Variants in DNMT3A observed in about 807,000 individuals in gnomAD.
DNMT3A encodes the protein DNA methyltransferase 3 alpha.
Under a neutral mutation model 117.6 loss-of-function variants are expected in DNMT3A, and 267 were observed. The ratio of observed to expected loss-of-function variants is 2.27; its 90% CI spans 2.05 to 2.51. The LOEUF is 2.51. DNMT3A is among the 30% of genes most tolerant of loss of function. DNMT3A has a pLI of 0.00. For synonymous variants in DNMT3A, 432 were observed against 474.8 expected (o/e 0.91, Z 1.17); for missense variants, 1,029 against 1,260.2 (o/e 0.82, Z 2.78).
intron 2 of DNMT3A, among the ~76,000 whole-genome samples, chr2:25,313,682 G>A (rs2149428580): frequency 6.6e-6 from 1 of 152,314 alleles, no homozygotes; most frequent in South Asian, 2.1e-4. Context: ...GAATGCCATG[G>A]TGGTTAAAAG....
At chr2:25,238,483 C>A (rs971088151) in intron 20 of DNMT3A, among the ~76,000 whole-genome samples, 8 of 152,160 alleles carry the variant, frequency 5.3e-5, no homozygotes, top group Admixed American at 1.3e-4. Flanking sequence ...AGGGACTGAG[C>A]GGCTCTCAGC....
intron 16 of DNMT3A, 105 bp downstream of exon 16, chr2:25,243,793 A>G: frequency 1.7e-6 from 2 of 1,204,654 alleles, no homozygotes; most frequent in African/African-American, 1.5e-5. Flanking sequence ...ATATTTTAAC[A>G]GCTGTGAAGC....
chr2:25,266,876 T>G (rs1361158456), intron 6 of DNMT3A, among the ~76,000 whole-genome samples: 1 of 152,214 alleles, frequency 6.6e-6, no homozygotes, highest in Non-Finnish European at 1.5e-5. Flanking sequence ...TGTCATAAAA[T>G]GTAAAATGCA....
At position 25,337,032 on chromosome 2, in the gene DNMT3A, G is replaced by A. The variant is rs971983819; in HGVS notation, c.-178+4794C>T. 1.3e-5 allele frequency among the ~76,000 whole-genome samples: 2 copies of A among 152,178 alleles called. No homozygotes were observed. The highest frequency in any genetic ancestry group is 1.3e-4 in the Admixed American group (2 of 15,280). On this transcript the variant is annotated intron_variant, in intron 1 of 22. Coordinates refer to ENST00000321117, the MANE Select transcript of DNMT3A (RefSeq NM_022552.5). The surrounding 1 kb of genome is among the most constrained non-coding windows in gnomAD (Gnocchi z 5.0). Reference sequence around the variant, plus strand: ...CCGTGTCCCCTCAAAGCCAGCACAGGGCATGGCTTACAGGAAATGCTCAGC... The same window carrying A: ...CCGTGTCCCCTCAAAGCCAGCACAGAGCATGGCTTACAGGAAATGCTCAGC...
rs1325214383 is a variant in DNMT3A, at chr2:25,286,050, T to G, written c.178-3339A>C. ...CCTTTCTTCTCATCATTTGCTGCCCTGCAGACACCTCAGATTGGGGCAGGC... is the reference window on the plus strand; with the variant it reads ...CCTTTCTTCTCATCATTTGCTGCCCGGCAGACACCTCAGATTGGGGCAGGC... On this transcript the variant is annotated intron_variant, in intron 3 of 22. Transcript: ENST00000321117. This position sits in a 1 kb window ranked among gnomAD's most constrained non-coding sequence, Gnocchi z 4.3. Among the ~76,000 whole-genome samples, 4 of 152,244 alleles carry G rather than the reference T, an allele frequency of 2.6e-5. No individual in the cohort carries two copies. Among genetic ancestry groups the G allele is most frequent in the African/African-American group, 9.6e-5 (4 of 41,462 alleles).
At position 25,341,888 on chromosome 2, in the gene DNMT3A, G is replaced by T; in HGVS notation, c.-240C>A. 1 of 978,906 alleles carries T rather than the reference G, an allele frequency of 1.0e-6. No individual in the cohort carries two copies. Among genetic ancestry groups the T allele is most frequent in the South Asian group, 4.5e-5 (1 of 22,022 alleles). The allele number at this position is 978,906 out of a possible 1,614,324, so 60.6% of individuals were successfully genotyped here. A position where few individuals can be genotyped will look rare whatever the true frequency, so the allele number is the denominator to read the frequency against. The stretch of plus-strand genomic sequence containing the variant: ...CCCTGGTGCCGCGGCGCCGCGTCCC[G>T]GCTCGTCCTCTGCTCTCGCCGCCGC... On this transcript the variant is annotated 5_prime_UTR_variant, in exon 1 of 23. Transcript: ENST00000321117.
chr2:25,246,434 G>A (rs1055677145), intron 10 of DNMT3A, 125 bp from the exon 11 acceptor site: 48 of 1,441,050 alleles, frequency 3.3e-5, no homozygotes, highest in Admixed American at 9.2e-5. Context: ...CCAACTCTAC[G>A]GTTCTAGCCA....
chr2:25,263,643 G>A (rs938969180), intron 6 of DNMT3A, among the ~76,000 whole-genome samples: 1 of 152,122 alleles, frequency 6.6e-6, no homozygotes, highest in South Asian at 2.1e-4. Context: ...CAAGCAGTCT[G>A]GTTTTTAAAG....
rs779512465 is a variant in DNMT3A, at chr2:25,298,404, G to A, written c.177+1735C>T. Among the ~76,000 whole-genome samples the A allele has an allele frequency of 7.2e-4, 109 of 152,220 alleles. 1 individual carries two copies. Among genetic ancestry groups the A allele is most frequent in the Non-Finnish European group, 1.9e-4 (13 of 68,040 alleles). ...GTGCTTCACTCCACCTCTCAGCGAT[G>A]TGGCTACCCTCTGATTCCAGAGACT... is the stretch of plus-strand genomic sequence containing the variant. On this transcript the variant is annotated intron_variant, in intron 3 of 22. Coordinates refer to ENST00000321117, the MANE Select transcript of DNMT3A (RefSeq NM_022552.5). This position sits in a 1 kb window ranked among gnomAD's most constrained non-coding sequence, Gnocchi z 4.3.
At chr2:25,309,698 A>G (rs1558731396) in intron 2 of DNMT3A, among the ~76,000 whole-genome samples, 1 of 152,246 alleles carries the variant, frequency 6.6e-6, no homozygotes, top group Non-Finnish European at 1.5e-5. Context: ...GCTTCAGTTT[A>G]GCCCTTAATA....
At chr2:25,261,709 T>C (rs1166234983) in intron 6 of DNMT3A, among the ~76,000 whole-genome samples, 1 of 152,080 alleles carries the variant, frequency 6.6e-6, no homozygotes, top group Non-Finnish European at 1.5e-5. Flanking sequence ...AGTAGTCCTC[T>C]AACTGGTTCA....
intron 6 of DNMT3A, among the ~76,000 whole-genome samples, chr2:25,258,642 T>C (rs1676358938): frequency 6.6e-6 from 1 of 152,164 alleles, no homozygotes; most frequent in Non-Finnish European, 1.5e-5. Flanking sequence ...TGGTAAATTA[T>C]GTGGTAGGGA....
intron 6 of DNMT3A, among the ~76,000 whole-genome samples, chr2:25,269,680 T>C (rs561854346): frequency 4.6e-5 from 7 of 152,138 alleles, no homozygotes; most frequent in African/African-American, 1.7e-4. Context: ...TGATCATGAT[T>C]AAAACAGAGC....
intron 3 of DNMT3A, among the ~76,000 whole-genome samples, chr2:25,287,065 C>T (rs758103873): frequency 1.2e-4 from 19 of 152,242 alleles, no homozygotes; most frequent in Non-Finnish European, 2.1e-4. Flanking sequence ...GTGAGAACCT[C>T]CTGCACTCAA....
intron 6 of DNMT3A, among the ~76,000 whole-genome samples, chr2:25,262,202 A>AC (rs1483871006): frequency 6.6e-6 from 1 of 151,448 alleles, no homozygotes; most frequent in Non-Finnish European, 1.5e-5. Flanking sequence ...AAAAAAAAAA[A>AC]AAAAAACCTG....
intron 6 of DNMT3A, among the ~76,000 whole-genome samples, chr2:25,274,479 C>G (rs1274964968): frequency 6.6e-6 from 1 of 152,204 alleles, no homozygotes; most frequent in Non-Finnish European, 1.5e-5. Flanking sequence ...CCCTGGCATA[C>G]AGTTTGCCAA....
chr2:25,235,823 GAA>G lies in DNMT3A; in HGVS notation c.2479_2480del (p.Phe827GlnfsTer27). On this transcript the variant is annotated frameshift_variant and splice_region_variant, in exon 22 of 23. Transcript: ENST00000321117. LOFTEE classifies it high-confidence loss of function. ...TCGTAGTAATGGTCCTCACTTTGCT[GAA>G]CTAGATGAAGAGGAGAAAAGAGGAA... Reference protein sequence around the residue: ...ECLEHGRIAKFSKVRTITTRS... With the variant: ...ECLEHGRIAKXSKVRTITTRS... The G allele has an allele frequency of 6.2e-7, 1 of 1,612,662 alleles. No homozygotes were observed. Among genetic ancestry groups the G allele is most frequent in the Non-Finnish European group, 8.5e-7 (1 of 1,178,776 alleles).
In DNMT3A at chr2:25,293,669, T is replaced by C. The variant is rs1303315932; in HGVS notation, c.177+6470A>G. On this transcript the variant is annotated intron_variant, in intron 3 of 22. Coordinates refer to ENST00000321117, the MANE Select transcript of DNMT3A (RefSeq NM_022552.5). The surrounding 1 kb of genome is among the most constrained non-coding windows in gnomAD (Gnocchi z 4.7). ...ACCCAGCTACTATTTATTATATATA[T>C]ATATAAAAATTTATTTTTTTGAGAC... 3.3e-5 allele frequency among the ~76,000 whole-genome samples: 5 copies of C among 151,780 alleles called. No homozygotes were observed.
At position 25,339,022 on chromosome 2, in the gene DNMT3A, G is replaced by C. The variant is rs989425388; in HGVS notation, c.-178+2804C>G. Among the ~76,000 whole-genome samples, 3 of 152,034 alleles carry C rather than the reference G, an allele frequency of 2.0e-5. No homozygotes were observed. The highest frequency in any genetic ancestry group is 6.5e-5 in the Admixed American group (1 of 15,280). On this transcript the variant is annotated intron_variant, in intron 1 of 22. Coordinates refer to ENST00000321117, the MANE Select transcript of DNMT3A (RefSeq NM_022552.5). This position sits in a 1 kb window ranked among gnomAD's most constrained non-coding sequence, Gnocchi z 4.9. ...TTTTACACCCTCTGCAGAGTCGGAC[G>C]TGACCAACCCGTCTCTTGCAGGGAC... is the stretch of plus-strand genomic sequence containing the variant.
Sources: gnomAD v4.1 joint callset for allele counts (sites outside exome capture counted in the v4.1 genomes callset) on GRCh38, gnomAD v4.1.1 for gene constraint, Gnocchi (gnomAD v3.1) non-coding constraint, MANE v1.5 for transcripts, NCBI Gene and HGNC (gene_info 2026-07-23, HGNC 2026-07-21) for gene names.